NEDD4L: variants seen among roughly 807,000 people sequenced by gnomAD.
The protein encoded by NEDD4L is E3 ubiquitin-protein ligase NEDD4-like.
Under a neutral mutation model 148.9 loss-of-function variants are expected in NEDD4L, and 54 were observed. The ratio of observed to expected loss-of-function variants is 0.36; its 90% CI spans 0.29 to 0.45. The LOEUF (loss-of-function observed/expected upper bound fraction) is 0.45. Ranked by LOEUF, NEDD4L falls within the 20% of genes least tolerant of loss-of-function variation. The pLI is 1.00. For synonymous variants in NEDD4L, 433 were observed against 440.7 expected, an observed-to-expected ratio of 0.98 and a Z score of 0.22; for missense variants, 856 against 1,233.8, an observed-to-expected ratio of 0.69 and a Z score of 4.59.
intron 3 of NEDD4L, among the ~76,000 whole-genome samples, chr18:58,247,946 G>A (rs1056682866): frequency 2.0e-5 from 3 of 152,114 alleles, no homozygotes; most frequent in South Asian, 2.1e-4. Context: ...TGAAAACGCC[G>A]GTTCAGTGTT....
At chr18:58,126,312 GC>G (rs932586719) in intron 1 of NEDD4L, among the ~76,000 whole-genome samples, 19 of 152,278 alleles carry the variant, frequency 1.2e-4, no homozygotes, top group African/African-American at 4.1e-4. Context: ...GTTCCCCTGA[GC>G]CCCTGGAGAA....
chr18:58,258,592 C>T (rs1261455478), intron 5 of NEDD4L, among the ~76,000 whole-genome samples: 1 of 152,138 alleles, frequency 6.6e-6, no homozygotes, highest in East Asian at 1.9e-4. Flanking sequence ...TAGTGAAAAA[C>T]AAGTTTCTAC....
At chr18:58,355,912 C>T (rs1024867436) in intron 18 of NEDD4L, among the ~76,000 whole-genome samples, 1 of 151,856 alleles carries the variant, frequency 6.6e-6, no homozygotes, top group Admixed American at 6.6e-5. Flanking sequence ...TTCTTATCAG[C>T]TCACTTACAG....
chr18:58,077,930 G>A (rs544299132), intron 1 of NEDD4L, among the ~76,000 whole-genome samples: 83 of 151,996 alleles, frequency 5.5e-4, no homozygotes, highest in African/African-American at 1.7e-3. Context: ...GGATGCTGCC[G>A]AGCATCCTGT....
chr18:58,188,072 G>A (rs1318226595), intron 2 of NEDD4L, among the ~76,000 whole-genome samples: 1 of 152,212 alleles, frequency 6.6e-6, no homozygotes, highest in Non-Finnish European at 1.5e-5. Context: ...ACAGTGTTCC[G>A]AATGTGGAAG....
At chr18:58,297,625 A>G (rs1397126152) in intron 5 of NEDD4L, among the ~76,000 whole-genome samples, 2 of 152,076 alleles carry the variant, frequency 1.3e-5, no homozygotes, top group African/African-American at 2.4e-5. Context: ...CAGATTTATT[A>G]GGTCCTGACC....
chr18:58,364,203 C>G lies in NEDD4L; in HGVS notation c.1768-65C>G, dbSNP rs906411989. 7.6e-6 allele frequency: 7 copies of G among 919,182 alleles called. No homozygotes were observed. The African/African-American group carries it at 8.4e-5, about 11-fold the overall frequency. The allele number at this position is 919,182 out of a possible 1,614,324, so 56.9% of individuals were successfully genotyped here. ...CTCATGAAATTCTCTTGAATGTTGC[C>G]TCAGTATACATAAAATTTCAGGTGT... On this transcript the variant is annotated intron_variant, in intron 19 of 30. Transcript: ENST00000400345.
At chr18:58,127,766 G>A (rs1407837843) in intron 1 of NEDD4L, among the ~76,000 whole-genome samples, 4 of 151,198 alleles carry the variant, frequency 2.6e-5, no homozygotes, top group Admixed American at 6.6e-5. Flanking sequence ...GTGTGAACAC[G>A]GGAGGCGGAG....
intron 24 of NEDD4L, among the ~76,000 whole-genome samples, chr18:58,380,735 C>T (rs2048231685): frequency 6.6e-6 from 1 of 152,160 alleles, no homozygotes; most frequent in South Asian, 2.1e-4. Flanking sequence ...CCCTCCACCC[C>T]ATGACAGGCC....
At chr18:58,360,669 G>T (rs2045343221) in intron 19 of NEDD4L, among the ~76,000 whole-genome samples, 1 of 151,708 alleles carries the variant, frequency 6.6e-6, no homozygotes, top group African/African-American at 2.4e-5. Context: ...CTGGTCCTAG[G>T]ATCATTAAAT....
At chr18:58,287,698 T>C (rs2054138639) in intron 5 of NEDD4L, among the ~76,000 whole-genome samples, 1 of 152,200 alleles carries the variant, frequency 6.6e-6, no homozygotes, top group South Asian at 2.1e-4. Context: ...ATGTATCGTA[T>C]TTTTTCAAGA....
chr18:58,301,197 C>T (rs566557421), intron 5 of NEDD4L, among the ~76,000 whole-genome samples: 4 of 152,188 alleles, frequency 2.6e-5, no homozygotes, highest in Admixed American at 1.3e-4. Flanking sequence ...AGCTCATTTA[C>T]GTGTCTGAAT....
In NEDD4L at chr18:58,167,056, GT is replaced by G. The variant is rs533292102; in HGVS notation, c.122+1197del. 3.9e-5 allele frequency among the ~76,000 whole-genome samples: 6 copies of G among 152,330 alleles called. No individual in the cohort carries two copies. The South Asian group carries it at 1.2e-3, about 32-fold the overall frequency. Reference sequence around the variant, plus strand: ...CACCAAAAGAAATTAGAAAAAAATTGTTGCAAATGTCAGTGAAATCTTTTAA... The same window carrying G: ...CACCAAAAGAAATTAGAAAAAAATTGTGCAAATGTCAGTGAAATCTTTTAA... On this transcript the variant is annotated intron_variant, in intron 2 of 30. Transcript: ENST00000400345.
At chr18:58,189,046 A>AG (rs1043724835) in intron 2 of NEDD4L, among the ~76,000 whole-genome samples, 2 of 152,100 alleles carry the variant, frequency 1.3e-5, no homozygotes, top group African/African-American at 4.8e-5. Flanking sequence ...ATCCCCTGAC[A>AG]GCTCCAAAAG....
At chr18:58,052,357 C>T (rs2081912287) in intron 1 of NEDD4L, among the ~76,000 whole-genome samples, 1 of 152,162 alleles carries the variant, frequency 6.6e-6, no homozygotes, top group African/African-American at 2.4e-5. Context: ...TTGTTTTGAA[C>T]TGGAGTGCTG....
Position 58,369,386 on chromosome 18 carries a change from A to G in NEDD4L, c.2186-1011A>G, listed in dbSNP as rs114201037. ...ATTGCACATTTAAGAGTCCAAGTGCACATAGATGGGCCTAGTCAGCAGTGT... is the reference window on the plus strand; with the variant it reads ...ATTGCACATTTAAGAGTCCAAGTGCGCATAGATGGGCCTAGTCAGCAGTGT... On this transcript the variant is annotated intron_variant, in intron 22 of 30. Coordinates refer to ENST00000400345, the MANE Select transcript of NEDD4L (RefSeq NM_001144967.3). 2.2e-3 allele frequency among the ~76,000 whole-genome samples: 339 copies of G among 152,322 alleles called. 2 individuals carry two copies. The highest frequency in any genetic ancestry group is 7.9e-3 in the African/African-American group (328 of 41,568).
intron 2 of NEDD4L, among the ~76,000 whole-genome samples, chr18:58,174,062 G>T (rs1280435732): frequency 6.6e-6 from 1 of 152,094 alleles, no homozygotes; most frequent in East Asian, 1.9e-4. Flanking sequence ...TTGTACCTGT[G>T]TTCAGTGGTT....
At chr18:58,122,795 G>A (rs1456948476) in intron 1 of NEDD4L, among the ~76,000 whole-genome samples, 1 of 151,958 alleles carries the variant, frequency 6.6e-6, no homozygotes, top group Admixed American at 6.6e-5. Flanking sequence ...GAGTGCAATG[G>A]CATGATCTCG....
chr18:58,297,957 G>A (rs761386742), intron 5 of NEDD4L, among the ~76,000 whole-genome samples: 2 of 152,082 alleles, frequency 1.3e-5, no homozygotes, highest in Non-Finnish European at 2.9e-5. Flanking sequence ...GTTGTGCTTC[G>A]ATGATCCCTT....
Sources: allele counts gnomAD v4.1 joint callset (sites outside exome capture counted in the v4.1 genomes callset), GRCh38; gene constraint gnomAD v4.1.1; transcripts MANE v1.5; gene names NCBI Gene and HGNC (gene_info 2026-07-23, HGNC 2026-07-21).